Variants in RGL1 observed in about 807,000 individuals in gnomAD.
RGL1 encodes ral guanine nucleotide dissociation stimulator like 1.
In RGL1, 24 loss-of-function variants were observed where a neutral mutation model predicts 95.2. The ratio of observed to expected loss-of-function variants is 0.25; its 90% CI spans 0.18 to 0.35. RGL1 has a LOEUF of 0.35. RGL1 is among the 10% of genes least tolerant of loss of function. The probability of loss-of-function intolerance (pLI) is 1.00; values close to 1 mark genes in which losing one functional copy is unlikely to be tolerated. For synonymous variants in RGL1, 329 were observed against 344.9 expected, an observed-to-expected ratio of 0.95 and a Z score of 0.51; for missense variants, 715 against 936.3, an observed-to-expected ratio of 0.76 and a Z score of 3.08.
intron 3 of RGL1, among the ~76,000 whole-genome samples, chr1:183,853,648 C>T (rs896073815): frequency 2.0e-5 from 3 of 152,166 alleles, no homozygotes; most frequent in African/African-American, 7.2e-5. Flanking sequence ...TGTGTTTTCA[C>T]AGGCTTCATC....
chr1:183,846,310 G>A (rs908533253), intron 2 of RGL1, among the ~76,000 whole-genome samples: 11 of 151,828 alleles, frequency 7.2e-5, no homozygotes, highest in South Asian at 2.1e-4. Context: ...ACCAAACACC[G>A]CATGTTCTCA....
rs781703449 is a variant in RGL1 at position 183,724,178 on chromosome 1, T to C, written c.-32-17948T>C. ...AGTGGTAGGTGGGTAGTACATGCCA[T>C]GGGTCTTGGGTGAGACTCTGAGATG... On this transcript the variant is annotated intron_variant, in intron 1 of 18. Coordinates refer to the RGL1 transcript ENST00000304685. This position sits in a 1 kb window ranked among gnomAD's most constrained non-coding sequence, Gnocchi z 4.1. 6.6e-6 allele frequency among the ~76,000 whole-genome samples: 1 copy of C among 152,192 alleles called. No homozygotes were observed. The highest frequency in any genetic ancestry group is 1.5e-5 in the Non-Finnish European group (1 of 68,028).
chr1:183,892,777 G>T (rs893584957), intron 9 of RGL1, among the ~76,000 whole-genome samples: 5 of 152,202 alleles, frequency 3.3e-5, no homozygotes, highest in Non-Finnish European at 7.3e-5. Flanking sequence ...TCTAATTGGG[G>T]TATATAGACA....
At chr1:183,769,795 C>G (rs1347811506) in intron 2 of RGL1, among the ~76,000 whole-genome samples, 1 of 152,172 alleles carries the variant, frequency 6.6e-6, no homozygotes, top group Non-Finnish European at 1.5e-5. Context: ...AAGGCCAAAC[C>G]TCCTCATACT....
chr1:183,874,357 T>C (rs1666362036), intron 4 of RGL1, among the ~76,000 whole-genome samples: 1 of 152,202 alleles, frequency 6.6e-6, no homozygotes, highest in African/African-American at 2.4e-5. Flanking sequence ...GTACTTAGCT[T>C]GGGAATGAAA....
intron 2 of RGL1, among the ~76,000 whole-genome samples, chr1:183,792,803 A>C (rs972303817): frequency 3.9e-5 from 6 of 152,160 alleles, no homozygotes; most frequent in Non-Finnish European, 7.4e-5. Context: ...AATTGAAGAG[A>C]ACACAAACAA....
intron 12 of RGL1, 43 bp downstream of exon 12, chr1:183,902,643 A>C: frequency 6.3e-7 from 1 of 1,583,436 alleles, no homozygotes. Context: ...CTGAGCATGA[A>C]AAAAATGAAA....
intron 1 of RGL1, among the ~76,000 whole-genome samples, chr1:183,676,015 T>C (rs1419634739): frequency 2.0e-5 from 3 of 151,994 alleles, no homozygotes; most frequent in Non-Finnish European, 4.4e-5. Flanking sequence ...GGCATGGTGA[T>C]GTGTATCTGT....
chr1:183,798,521 A>G (rs1355088822), intron 2 of RGL1, among the ~76,000 whole-genome samples: 2 of 152,072 alleles, frequency 1.3e-5, no homozygotes, highest in Non-Finnish European at 2.9e-5. Context: ...TATTATTAGT[A>G]TATTCTTATT....
intron 2 of RGL1, among the ~76,000 whole-genome samples, chr1:183,748,244 C>G (rs1657767578): frequency 6.6e-6 from 1 of 151,802 alleles, no homozygotes; most frequent in African/African-American, 2.4e-5. Context: ...GGCTAGTGGT[C>G]TATCTATTTT....
At chr1:183,892,384 T>TA (rs1410173099) in intron 9 of RGL1, among the ~76,000 whole-genome samples, 5 of 152,198 alleles carry the variant, frequency 3.3e-5, no homozygotes, top group African/African-American at 1.2e-4. Flanking sequence ...GCTTGCCTGT[T>TA]ATGCAAGCAG....
chr1:183,681,478 TATTA>T (rs1391589898), intron 1 of RGL1, among the ~76,000 whole-genome samples: 21 of 152,310 alleles, frequency 1.4e-4, no homozygotes, highest in African/African-American at 4.6e-4. Context: ...GGCTTACGCT[TATTA>T]ATTTGCATAT....
rs374576037 is a variant in RGL1 at position 183,868,841 on chromosome 1, C to T, written c.425+2768C>T. On this transcript the variant is annotated intron_variant, in intron 4 of 17. Transcript: ENST00000360851. ...TCAAAAATATCCAGAGCTGGCCGGG[C>T]GTGGTGGCTCATGCCTGTAATCCCA... Among the ~76,000 whole-genome samples the T allele has an allele frequency of 7.9e-5, 12 of 152,178 alleles. No homozygotes were observed. In the South Asian group the frequency reaches 1.0e-3, roughly 13 times the overall value.
At chr1:183,820,383 A>C (rs1314715269) in intron 2 of RGL1, among the ~76,000 whole-genome samples, 1 of 152,176 alleles carries the variant, frequency 6.6e-6, no homozygotes, top group Non-Finnish European at 1.5e-5. Flanking sequence ...TTAAGGTGAT[A>C]ATGCTTATTT....
At chr1:183,808,135 A>T (rs1661466093) in intron 2 of RGL1, among the ~76,000 whole-genome samples, 1 of 152,182 alleles carries the variant, frequency 6.6e-6, no homozygotes, top group Admixed American at 6.5e-5. Context: ...TTGGAAATGG[A>T]GGGGTTCACT....
intron 1 of RGL1, among the ~76,000 whole-genome samples, chr1:183,689,919 C>G (rs1653843513): frequency 6.6e-6 from 1 of 152,094 alleles, no homozygotes; most frequent in Admixed American, 6.6e-5. Context: ...CAGGGGTTTA[C>G]CAGTTAGGTT....
chr1:183,717,891 C>CATCCT (rs1655725844), intron 1 of RGL1, among the ~76,000 whole-genome samples: 1 of 152,190 alleles, frequency 6.6e-6, no homozygotes, highest in South Asian at 2.1e-4. Flanking sequence ...TGAGCAAATA[C>CATCCT]ATCCTCTCAG....
intron 2 of RGL1, among the ~76,000 whole-genome samples, chr1:183,784,808 T>C (rs1162457534): frequency 6.6e-6 from 1 of 152,200 alleles, no homozygotes; most frequent in Non-Finnish European, 1.5e-5. Flanking sequence ...TTGATCCTAG[T>C]GTGTAAAAGG....
chr1:183,696,682 C>G (rs566283739), intron 1 of RGL1, among the ~76,000 whole-genome samples: 11 of 152,300 alleles, frequency 7.2e-5, no homozygotes, highest in Non-Finnish European at 1.3e-4. Flanking sequence ...ACATCTCAAA[C>G]TTCTCATGTT....
Sources: allele counts gnomAD v4.1 joint callset (sites outside exome capture counted in the v4.1 genomes callset), GRCh38; gene constraint gnomAD v4.1.1; non-coding constraint Gnocchi (gnomAD v3.1); transcripts MANE v1.5; gene names NCBI Gene and HGNC (gene_info 2026-07-23, HGNC 2026-07-21).